The following GRM5 variants were observed in gnomAD, a reference collection of about 807,000 sequenced individuals.
GRM5 encodes the protein glutamate metabotropic receptor 5.
GRM5 carries 19 observed loss-of-function variants against 83.1 expected under a neutral mutation model. That is an observed-to-expected ratio of 0.23 (90% confidence interval 0.16 to 0.34). The LOEUF (loss-of-function observed/expected upper bound fraction) is 0.34, where lower values mean the gene tolerates loss of function less well. Among genes scored for constraint, GRM5 ranks in the 10% least tolerant of loss-of-function variants. GRM5 has a pLI of 1.00. For missense variants in GRM5, 1,160 were observed against 1,588.3 expected, an observed-to-expected ratio of 0.73 and a Z score of 4.58; for synonymous variants, 675 against 633.6, an observed-to-expected ratio of 1.07 and a Z score of -0.98.
intron 8 of GRM5, among the ~76,000 whole-genome samples, chr11:88,553,580 G>A (rs184742659): frequency 9.2e-5 from 14 of 152,220 alleles, no homozygotes; most frequent in Admixed American, 5.9e-4. Flanking sequence ...AAGTGAACAG[G>A]CCACAGCATA....
At chr11:88,656,204 T>G (rs1415423415) in intron 3 of GRM5, among the ~76,000 whole-genome samples, 1 of 151,090 alleles carries the variant, frequency 6.6e-6, no homozygotes, top group Non-Finnish European at 1.5e-5. Context: ...GGAAGGAAAC[T>G]AACATTTGCT....
chr11:88,854,596 A>T (rs1251569157), intron 2 of GRM5, among the ~76,000 whole-genome samples: 1 of 151,844 alleles, frequency 6.6e-6, no homozygotes, highest in Non-Finnish European at 1.5e-5. Context: ...TAACTATAAA[A>T]CTTTCTTCTG....
intron 7 of GRM5, among the ~76,000 whole-genome samples, chr11:88,587,326 G>A (rs1422771313): frequency 2.6e-5 from 4 of 152,110 alleles, no homozygotes; most frequent in Non-Finnish European, 5.9e-5. Flanking sequence ...CATTCCAGGT[G>A]GAGAAGACAA....
rs189471366 is a variant in GRM5, at chr11:88,971,660, T to C, written c.661+75552A>G. On this transcript the variant is annotated intron_variant, in intron 2 of 9. Coordinates refer to ENST00000305447, the MANE Select transcript of GRM5 (RefSeq NM_001143831.3). The stretch of plus-strand genomic sequence containing the variant: ...GTATTCCATGGTGCATATGTACCAC[T>C]TTTTTTAAAATCCAGTTTATTGTTA... Among the ~76,000 whole-genome samples the C allele has an allele frequency of 4.6e-4, 70 of 152,258 alleles. 1 individual carries two copies. In the East Asian group the frequency reaches 0.012, roughly 26 times the overall value.
At chr11:89,025,968 G>T (rs1774698134) in intron 2 of GRM5, among the ~76,000 whole-genome samples, 1 of 152,164 alleles carries the variant, frequency 6.6e-6, no homozygotes, top group Admixed American at 6.5e-5. Flanking sequence ...TTTAAAAAAT[G>T]CGGTACATAT....
chr11:88,783,909 C>T (rs762138588), intron 3 of GRM5, among the ~76,000 whole-genome samples: 1 of 151,948 alleles, frequency 6.6e-6, no homozygotes, highest in Non-Finnish European at 1.5e-5. Flanking sequence ...TCTTTTGATC[C>T]CATAAATCTG....
chr11:88,663,214 A>C (rs1345268761), intron 3 of GRM5, among the ~76,000 whole-genome samples: 6 of 152,186 alleles, frequency 3.9e-5, no homozygotes, highest in Admixed American at 2.0e-4. Flanking sequence ...GGATTACAGG[A>C]AATAACAGAT....
chr11:88,972,865 C>T (rs1244953416), intron 2 of GRM5, among the ~76,000 whole-genome samples: 1 of 151,980 alleles, frequency 6.6e-6, no homozygotes, highest in East Asian at 1.9e-4. Flanking sequence ...GCATGTATAC[C>T]TTCTGATATA....
chr11:88,657,053 G>T (rs1051094158), intron 3 of GRM5, among the ~76,000 whole-genome samples: 1 of 152,008 alleles, frequency 6.6e-6, no homozygotes, highest in African/African-American at 2.4e-5. Context: ...TAAATAAGTT[G>T]CATGAATAAA....
intron 3 of GRM5, among the ~76,000 whole-genome samples, chr11:88,739,727 C>A (rs1170729899): frequency 6.6e-6 from 1 of 152,034 alleles, no homozygotes; most frequent in Admixed American, 6.6e-5. Flanking sequence ...GAAGAAGGTA[C>A]TTGCTTCTAC....
chr11:89,058,775 T>C (rs1247645227), intron 1 of GRM5, among the ~76,000 whole-genome samples: 1 of 152,204 alleles, frequency 6.6e-6, no homozygotes, highest in African/African-American at 2.4e-5. Context: ...AAGAAATGAA[T>C]GTGAGGAGAG....
intron 2 of GRM5, among the ~76,000 whole-genome samples, chr11:88,970,955 C>T (rs1939148857): frequency 2.0e-5 from 3 of 152,250 alleles, no homozygotes; most frequent in East Asian, 3.9e-4. Flanking sequence ...TCTCCCCTTC[C>T]TTTGTGTGAG....
At chr11:88,696,134 T>C (rs1392565255) in intron 3 of GRM5, among the ~76,000 whole-genome samples, 2 of 152,048 alleles carry the variant, frequency 1.3e-5, no homozygotes, top group East Asian at 3.9e-4. Context: ...AGAAGGGGGA[T>C]GGAGTGGGAA....
intron 9 of GRM5, among the ~76,000 whole-genome samples, chr11:88,519,786 T>C: frequency 6.6e-6 from 1 of 152,144 alleles, no homozygotes; most frequent in East Asian, 1.9e-4. Flanking sequence ...AAAACAACCT[T>C]TCTAAACTGG....
chr11:88,907,240 C>T (rs1945419263), intron 2 of GRM5, among the ~76,000 whole-genome samples: 1 of 152,046 alleles, frequency 6.6e-6, no homozygotes. Context: ...TGGATGTTAG[C>T]TAGTAGCGAT....
chr11:88,945,403 C>T (rs1246537382), intron 2 of GRM5, among the ~76,000 whole-genome samples: 2 of 151,900 alleles, frequency 1.3e-5, no homozygotes, highest in Admixed American at 1.3e-4. Flanking sequence ...ATGTAGCATT[C>T]ATATGGAACA....
At chr11:88,824,863 C>T (rs969916269) in intron 3 of GRM5, among the ~76,000 whole-genome samples, 1 of 152,146 alleles carries the variant, frequency 6.6e-6, no homozygotes, top group Non-Finnish European at 1.5e-5. Flanking sequence ...ATGTATATGG[C>T]AAACTGAGGT....
rs1171853966 is a variant in GRM5 at position 88,522,588 on chromosome 11, GCT to G, written c.2726+2719_2726+2720del. 7.6e-3 allele frequency among the ~76,000 whole-genome samples: 1,018 copies of G among 134,400 alleles called. 5 individuals are homozygous for G. The highest frequency in any genetic ancestry group is 0.014 in the African/African-American group (508 of 35,444). The allele number at this position is 134,400 out of a possible 152,430, so 88.2% of individuals were successfully genotyped here. ...TCTCTCTTCTCTCTCTCTCTCTCTC[GCT>G]CTCTCTCTCTCTCTGTGTGTGTGTG... On this transcript the variant is annotated intron_variant, in intron 9 of 9. Transcript: ENST00000305447.
intron 4 of GRM5, among the ~76,000 whole-genome samples, chr11:88,652,500 G>T (rs1215360348): frequency 6.6e-6 from 1 of 151,950 alleles, no homozygotes; most frequent in Non-Finnish European, 1.5e-5. Context: ...TGCAATTTTT[G>T]TTGGCATTAC....
Sources: allele counts gnomAD v4.1 joint callset (sites outside exome capture counted in the v4.1 genomes callset), GRCh38; gene constraint gnomAD v4.1.1; transcripts MANE v1.5; gene names NCBI Gene and HGNC (gene_info 2026-07-23, HGNC 2026-07-21).